DLC1: variants seen among roughly 807,000 people sequenced by gnomAD.
DLC1 encodes DLC1 Rho GTPase activating protein.
Under a neutral mutation model 140.3 loss-of-function variants are expected in DLC1, and 54 were observed. The observed-to-expected ratio is 0.38, with a 90% CI of 0.31 to 0.48. The LOEUF is 0.48. DLC1 is among the 20% of genes least tolerant of loss of function. DLC1 has a pLI of 0.96. For missense variants in DLC1, 2,536 were observed against 1,907.0 expected (o/e 1.33, Z -6.14); for synonymous variants, 986 against 728.1 (o/e 1.35, Z -5.70).
chr8:13,590,077 A>ATATATATATATATATATATATATATCTC (rs11272767), intron 1 of DLC1, among the ~76,000 whole-genome samples: 2,595 of 144,220 alleles, frequency 0.018, 48 homozygotes, highest in African/African-American at 0.026. Flanking sequence ...ATATATATAT[A>ATATATATATATATATATATATATATCTC]CAAACACATG....
intron 5 of DLC1, among the ~76,000 whole-genome samples, chr8:13,133,814 C>T (rs1054828345): frequency 2.0e-5 from 3 of 151,934 alleles, no homozygotes; most frequent in Non-Finnish European, 4.4e-5. Flanking sequence ...GGAGGGGAAG[C>T]GGAGAGGAAG....
rs1391721970 is a variant in DLC1 at position 13,291,989 on chromosome 8, T to C, written c.1348+13280A>G. On this transcript the variant is annotated intron_variant, in intron 5 of 17. Coordinates refer to ENST00000276297, the MANE Select transcript of DLC1 (RefSeq NM_182643.3). ...GACAAACAAAAAATGCAATGTTTTC[T>C]TTTTTTTTTTTTTCTATCTTCTGTC... Among the ~76,000 whole-genome samples, 5 of 1,244 alleles carry C rather than the reference T, an allele frequency of 4.0e-3. No homozygotes were observed. In the East Asian group the frequency reaches 0.5, roughly 124 times the overall value. The allele number at this position is 1,244 out of a possible 152,430, so 0.8% of individuals were successfully genotyped here. A position where few individuals can be genotyped will look rare whatever the true frequency, so the allele number is the denominator to read the frequency against.
Position 13,099,805 on chromosome 8 carries a change from G to T in DLC1, c.2532C>A (p.His844Gln). Reference protein sequence around the residue: ...GSVNWRTGSFHGPGHISLRRE... With the variant: ...GSVNWRTGSFQGPGHISLRRE... Reference sequence around the variant, plus strand: ...TCCTGAGGCTGATGTGGCCAGGGCCGTGGAAGCTTCCCGTCCTCCAGTTCA... The same window carrying T: ...TCCTGAGGCTGATGTGGCCAGGGCCTTGGAAGCTTCCCGTCCTCCAGTTCA... Residue 844 changes from histidine (H) to glutamine (Q), a missense_variant, in exon 9 of 18, where the codon CAC becomes CAA. Physicochemically the swap from His to Gln is conservative, Grantham distance 24. Coordinates refer to ENST00000276297, the MANE Select transcript of DLC1 (RefSeq NM_182643.3). 8.1e-6 allele frequency: 13 copies of T among 1,614,186 alleles called. No homozygotes were observed. Among genetic ancestry groups the T allele is most frequent in the Non-Finnish European group, 1.0e-5 (12 of 1,180,040 alleles).
At chr8:13,569,309 G>A (rs1190541995) in intron 1 of DLC1, among the ~76,000 whole-genome samples, 1 of 152,040 alleles carries the variant, frequency 6.6e-6, no homozygotes, top group African/African-American at 2.4e-5. Context: ...TTTTAGTATT[G>A]TACTTCAGTA....
intron 4 of DLC1, among the ~76,000 whole-genome samples, chr8:13,359,660 T>C (rs1835129053): frequency 6.6e-6 from 1 of 152,208 alleles, no homozygotes; most frequent in African/African-American, 2.4e-5. Flanking sequence ...TTCCAGTTAC[T>C]GAAGAAATCT....
chr8:13,084,035 T>C lies in DLC1; in HGVS notation c.*1776A>G, dbSNP rs1817356814. ...TTTCTTCACTTAGACTGTATTCACG[T>C]AAAGTGTATTTACAATAAGAAGAAA... is the stretch of plus-strand genomic sequence containing the variant. On this transcript the variant is annotated 3_prime_UTR_variant, in exon 18 of 18. Transcript: ENST00000276297. 2.0e-5 allele frequency: 3 copies of C among 152,486 alleles called. No homozygotes were observed. The highest frequency in any genetic ancestry group is 7.2e-5 in the African/African-American group (3 of 41,444). The allele number at this position is 152,486 out of a possible 1,614,324, so 9.4% of individuals were successfully genotyped here. A position where few individuals can be genotyped will look rare whatever the true frequency, so the allele number is the denominator to read the frequency against.
intron 5 of DLC1, among the ~76,000 whole-genome samples, chr8:13,240,672 G>T (rs1472056895): frequency 6.6e-6 from 1 of 152,068 alleles, no homozygotes; most frequent in Non-Finnish European, 1.5e-5. Context: ...AACTCAAGCA[G>T]TCCTTCCACC....
intron 4 of DLC1, among the ~76,000 whole-genome samples, chr8:13,362,920 A>G (rs558755645): frequency 2.0e-4 from 31 of 152,134 alleles, no homozygotes; most frequent in African/African-American, 7.0e-4. Context: ...GCCTTTCCAG[A>G]CCATCCTACC....
chr8:13,551,253 A>G (rs1803838991), intron 1 of DLC1, among the ~76,000 whole-genome samples: 1 of 152,098 alleles, frequency 6.6e-6, no homozygotes, highest in African/African-American at 2.4e-5. Context: ...TAGCTTTTAG[A>G]TGTTCAATCT....
intron 5 of DLC1, among the ~76,000 whole-genome samples, chr8:13,138,216 TG>T (rs775056433): frequency 1.2e-4 from 18 of 152,206 alleles, no homozygotes; most frequent in Admixed American, 3.9e-4. Flanking sequence ...TGTTGAGAAC[TG>T]GGGGGTTCAG....
At chr8:13,579,357 A>AATACATATT (rs1804978770) in intron 1 of DLC1, among the ~76,000 whole-genome samples, 2 of 27,568 alleles carry the variant, frequency 7.3e-5, no homozygotes, top group African/African-American at 3.7e-4. Context: ...ATATATATAT[A>AATACATATT]TATATTTTTA....
intron 4 of DLC1, among the ~76,000 whole-genome samples, chr8:13,344,288 G>A (rs77980820): frequency 0.89 from 135,611 of 151,962 alleles, 61,032 homozygotes; most frequent in East Asian, 0.99. Context: ...AAGATCAGGA[G>A]TTTGAGACCA....
intron 5 of DLC1, among the ~76,000 whole-genome samples, chr8:13,228,556 C>A (rs982713489): frequency 1.3e-5 from 2 of 151,866 alleles, no homozygotes; most frequent in African/African-American, 4.8e-5. Flanking sequence ...AGCAACAAAG[C>A]AAGACCCTGT....
At position 13,095,081 on chromosome 8, in the gene DLC1, C is replaced by G. The variant is rs1437679909; in HGVS notation, c.3327+5G>C. ...AGTACGTGGACCCGCAGGCAGCGCT[C>G]TCACCTGATCCAAACAATGGTTCCG... On this transcript the variant is annotated splice_donor_5th_base_variant and intron_variant, in intron 11 of 17. Coordinates refer to ENST00000276297, the MANE Select transcript of DLC1 (RefSeq NM_182643.3). 2 of 1,614,142 alleles carry G rather than the reference C, an allele frequency of 1.2e-6. No homozygotes were observed. The highest frequency in any genetic ancestry group is 1.3e-5 in the African/African-American group (1 of 74,954).
intron 7 of DLC1, 53 bp downstream of exon 7, chr8:13,110,689 T>G (rs1820016567): frequency 1.3e-6 from 2 of 1,513,258 alleles, no homozygotes; most frequent in Admixed American, 1.7e-5. Context: ...TTGTGAGAAG[T>G]ACTGTGTTCT....
At chr8:13,186,369 C>T (rs7004673) in intron 5 of DLC1, among the ~76,000 whole-genome samples, 90,889 of 151,880 alleles carry the variant, frequency 0.6, 27,718 homozygotes, top group East Asian at 0.86. Flanking sequence ...TTTACTTTCA[C>T]CTTCTCTTCT....
Position 13,084,139 on chromosome 8 carries a change from C to G in DLC1, c.*1672G>C, listed in dbSNP as rs986867158. 1 of 152,522 alleles carries G rather than the reference C, an allele frequency of 6.6e-6. No homozygotes were observed. Among genetic ancestry groups the G allele is most frequent in the Non-Finnish European group, 1.5e-5 (1 of 68,018 alleles). 9.4% of individuals were successfully genotyped at this position (152,522 alleles called of 1,614,324 possible). A position where few individuals can be genotyped will look rare whatever the true frequency, so the allele number is the denominator to read the frequency against. ...ATCTTAAATAATAATCTTTATCATG[C>G]TTTATCTATGTTTGAAAGCACAGTG... On this transcript the variant is annotated 3_prime_UTR_variant, in exon 18 of 18. Transcript: ENST00000276297.
chr8:13,474,637 C>T (rs892656315), intron 2 of DLC1, among the ~76,000 whole-genome samples: 1 of 152,190 alleles, frequency 6.6e-6, no homozygotes, highest in African/African-American at 2.4e-5. Context: ...ATGGGCGGAG[C>T]CACACGGGTG....
At chr8:13,166,170 C>T (rs1825092992) in intron 5 of DLC1, among the ~76,000 whole-genome samples, 1 of 152,144 alleles carries the variant, frequency 6.6e-6, no homozygotes, top group Admixed American at 6.5e-5. Context: ...TACTCCTCTG[C>T]ATGATTCTCT....
Sources: gnomAD v4.1 joint callset for allele counts (sites outside exome capture counted in the v4.1 genomes callset) on GRCh38, gnomAD v4.1.1 for gene constraint, MANE v1.5 for transcripts, NCBI Gene and HGNC (gene_info 2026-07-23, HGNC 2026-07-21) for gene names.